Variants in AHI1 observed in about 807,000 individuals in gnomAD.
AHI1 encodes the protein jouberin.
A neutral mutation model predicts 149.3 loss-of-function variants in AHI1; 123 were observed. That is an observed-to-expected ratio of 0.82 (90% confidence interval 0.71 to 0.96). AHI1 has a LOEUF of 0.96. AHI1 is among the 40% of genes least tolerant of loss of function. The pLI, the probability that AHI1 is intolerant of heterozygous loss-of-function variation, is 0.00. For missense variants in AHI1, 1,439 were observed against 1,422.7 expected, an observed-to-expected ratio of 1.01 and a Z score of -0.18; for synonymous variants, 475 against 459.8, an observed-to-expected ratio of 1.03 and a Z score of -0.42.
intron 24 of AHI1, among the ~76,000 whole-genome samples, chr6:135,348,063 G>A (rs568420116): frequency 3.3e-5 from 5 of 152,158 alleles, no homozygotes; most frequent in African/African-American, 4.8e-5. Context: ...AGTGACGGCC[G>A]TGTGGCTATC....
chr6:135,459,217 A>G (rs2128084914), intron 8 of AHI1, among the ~76,000 whole-genome samples: 1 of 152,354 alleles, frequency 6.6e-6, no homozygotes, highest in South Asian at 2.1e-4. Flanking sequence ...ACAGAAACCA[A>G]TAAAAGATAA....
intron 23 of AHI1, among the ~76,000 whole-genome samples, chr6:135,375,622 T>C (rs1305073849): frequency 6.6e-6 from 1 of 152,186 alleles, no homozygotes; most frequent in Non-Finnish European, 1.5e-5. Context: ...ATTTGTAGCC[T>C]TTATTATTGA....
intron 22 of AHI1, 88 bp from the exon 23 acceptor site, chr6:135,394,984 C>T (rs1779024022): frequency 7.4e-7 from 1 of 1,350,466 alleles, no homozygotes; most frequent in Non-Finnish European, 1.0e-6. Context: ...GCTTATTATA[C>T]AAACCAGGAC....
At chr6:135,448,861 A>G (rs1002444667) in intron 11 of AHI1, among the ~76,000 whole-genome samples, 6 of 152,224 alleles carry the variant, frequency 3.9e-5, no homozygotes, top group African/African-American at 1.4e-4. Flanking sequence ...CATTTGTTTA[A>G]TATCAGTATT....
At chr6:135,474,315 T>C (rs544422868) in intron 5 of AHI1, among the ~76,000 whole-genome samples, 1 of 152,344 alleles carries the variant, frequency 6.6e-6, no homozygotes, top group African/African-American at 2.4e-5. Context: ...ACAATCTGTA[T>C]GCCTGTAAAA....
At chr6:135,361,688 CACACACGT>C (rs1428933126) in intron 23 of AHI1, among the ~76,000 whole-genome samples, 29 of 139,244 alleles carry the variant, frequency 2.1e-4, no homozygotes, top group Non-Finnish European at 3.4e-4. Context: ...CACACACACA[CACACACGT>C]GTGTATATTT....
chr6:135,429,742 AT>A, intron 18 of AHI1, 139 bp downstream of exon 18: 1 of 485,538 alleles, frequency 2.1e-6, no homozygotes. Context: ...AAAAAAAAAA[AT>A]CTCCAGATAC....
Position 135,429,933 on chromosome 6 carries a change from C to T in AHI1, c.2441G>A (p.Arg814His), listed in dbSNP as rs1298291395. 4 of 1,591,352 alleles carry T rather than the reference C, an allele frequency of 2.5e-6. No individual in the cohort carries two copies. Among genetic ancestry groups the T allele is most frequent in the Admixed American group, 1.7e-5 (1 of 58,290 alleles). ...ACTGTCTTTGGTATGGATTAACAAA[C>T]GTTTTCCATTGGGATGAATCTCCAA... ...SYLEIHPNGKRLLIHTKDSTL... is the reference protein window; with the variant it reads ...SYLEIHPNGKHLLIHTKDSTL... Residue 814 changes from arginine to histidine, a missense_variant, in exon 18 of 29, where the codon CGT becomes CAT. Coordinates refer to ENST00000265602, the MANE Select transcript of AHI1 (RefSeq NM_001134831.2).
chr6:135,393,143 T>A (rs774681301), intron 23 of AHI1, among the ~76,000 whole-genome samples: 6 of 152,042 alleles, frequency 3.9e-5, no homozygotes, highest in African/African-American at 1.4e-4. Flanking sequence ...CAATCCTATA[T>A]ATAATTGTGA....
At chr6:135,372,325 A>G (rs538457916) in intron 23 of AHI1, among the ~76,000 whole-genome samples, 1 of 152,190 alleles carries the variant, frequency 6.6e-6, no homozygotes, top group South Asian at 2.1e-4. Flanking sequence ...ACTGATGACA[A>G]TAGAAGAATT....
chr6:135,316,120 ACCCT>A (rs1785910638), intron 26 of AHI1, among the ~76,000 whole-genome samples: 4 of 152,124 alleles, frequency 2.6e-5, no homozygotes, highest in African/African-American at 9.7e-5. Context: ...TCACTTGAGA[ACCCT>A]CTGCTTGGAG....
In AHI1 at chr6:135,467,576, C is replaced by T. The variant is rs1790982509; in HGVS notation, c.189+5G>A. On this transcript the variant is annotated splice_donor_5th_base_variant and intron_variant, in intron 6 of 28. Transcript: ENST00000265602. ...CTTCAGGCTGTTAGTGTTAGCAGTA[C>T]TTACATCATCACTTGTAGTTTCTTT... The T allele has an allele frequency of 1.9e-6, 3 of 1,605,296 alleles. No homozygotes were observed. Among genetic ancestry groups the T allele is most frequent in the Non-Finnish European group, 2.6e-6 (3 of 1,172,618 alleles).
chr6:135,458,100 A>G (rs1239071640), intron 8 of AHI1, among the ~76,000 whole-genome samples: 1 of 152,270 alleles, frequency 6.6e-6, no homozygotes, highest in Admixed American at 6.5e-5. Flanking sequence ...TAACAACTGG[A>G]AAGAGCCAAA....
chr6:135,404,682 C>A (rs1269128769), intron 22 of AHI1, among the ~76,000 whole-genome samples: 1 of 152,176 alleles, frequency 6.6e-6, no homozygotes, highest in African/African-American at 2.4e-5. Context: ...CAGAGAATGA[C>A]ATGACCTTGT....
At chr6:135,316,756 T>A (rs560520822) in intron 26 of AHI1, among the ~76,000 whole-genome samples, 4 of 152,258 alleles carry the variant, frequency 2.6e-5, no homozygotes. Flanking sequence ...ATAATAGAAC[T>A]AACACACTAA....
rs1411821215 is a variant in AHI1, at chr6:135,374,930, G to A, written c.3110-16743C>T. Among the ~76,000 whole-genome samples, 3 of 152,222 alleles carry A rather than the reference G, an allele frequency of 2.0e-5. No homozygotes were observed. The South Asian group carries it at 6.2e-4, about 32-fold the overall frequency. On this transcript the variant is annotated intron_variant, in intron 23 of 28. Transcript: ENST00000265602. Reference sequence around the variant, plus strand: ...GTGGAATATTCAATAAACTACATGAGATATTCAACACTTAATTATAAAATA... The same window carrying A: ...GTGGAATATTCAATAAACTACATGAAATATTCAACACTTAATTATAAAATA...
chr6:135,441,270 G>T (rs191302197), intron 14 of AHI1, among the ~76,000 whole-genome samples: 112 of 152,138 alleles, frequency 7.4e-4, no homozygotes, highest in African/African-American at 2.6e-3. Context: ...GGTCAACTGA[G>T]ATTATCCAGT....
At chr6:135,375,993 T>G (rs75284560) in intron 23 of AHI1, among the ~76,000 whole-genome samples, 1 of 151,540 alleles carries the variant, frequency 6.6e-6, no homozygotes, top group Non-Finnish European at 1.5e-5. Flanking sequence ...CTTTGCCAAA[T>G]TGGGGACAAT....
Position 135,361,533 on chromosome 6 carries a change from T to C in AHI1, c.3110-3346A>G, listed in dbSNP as rs145335548. Among the ~76,000 whole-genome samples, 369 of 152,204 alleles carry C rather than the reference T, an allele frequency of 2.4e-3. 4 individuals carry two copies. Among genetic ancestry groups the C allele is most frequent in the African/African-American group, 8.3e-3 (346 of 41,520 alleles). ...AATGATTTCATTCCATTATTTCTTA[T>C]GAGAAGGAAGTCATCATTCTTACTA... On this transcript the variant is annotated intron_variant, in intron 23 of 28. Transcript: ENST00000265602.
Sources: gnomAD v4.1 joint callset for allele counts (sites outside exome capture counted in the v4.1 genomes callset) on GRCh38, gnomAD v4.1.1 for gene constraint, MANE v1.5 for transcripts, NCBI Gene and HGNC (gene_info 2026-07-23, HGNC 2026-07-21) for gene names.